The following NFATC3 variants were observed in gnomAD, a reference collection of about 807,000 sequenced individuals.
The protein encoded by NFATC3 is nuclear factor of activated T cells 3.
In NFATC3, 46 loss-of-function variants were observed where a neutral mutation model predicts 98.6. The ratio of observed to expected loss-of-function variants is 0.47; its 90% CI spans 0.37 to 0.60. The LOEUF is 0.60. Among genes scored for constraint, NFATC3 ranks in the 20% least tolerant of loss-of-function variants. The pLI is 0.00. For synonymous variants in NFATC3, 512 were observed against 472.2 expected (o/e 1.08, Z -1.09); for missense variants, 1,256 against 1,295.5 (o/e 0.97, Z 0.47).
At chr16:68,119,273 A>G (rs1367793353) in intron 1 of NFATC3, among the ~76,000 whole-genome samples, 5 of 152,202 alleles carry the variant, frequency 3.3e-5, no homozygotes, top group Non-Finnish European at 7.3e-5. Flanking sequence ...TTAATCCAAA[A>G]TCTGACTTCT....
Position 68,179,114 on chromosome 16 carries a change from T to A in NFATC3, c.1916-2361T>A, listed in dbSNP as rs185181718. Reference sequence around the variant, plus strand: ...TCATGCTGTCTCTTCTGTCTATAATTACCCTTTCCTCATATTATGAGTTCT... The same window carrying A: ...TCATGCTGTCTCTTCTGTCTATAATAACCCTTTCCTCATATTATGAGTTCT... On this transcript the variant is annotated intron_variant, in intron 6 of 9. Coordinates refer to ENST00000346183, the MANE Select transcript of NFATC3 (RefSeq NM_173165.3). Among the ~76,000 whole-genome samples the A allele has an allele frequency of 5.3e-4, 80 of 152,286 alleles. No individual in the cohort carries two copies. In the Middle Eastern group the frequency reaches 0.01, roughly 19 times the overall value.
intron 9 of NFATC3, among the ~76,000 whole-genome samples, chr16:68,202,588 G>C (rs2040971808): frequency 6.6e-6 from 1 of 152,168 alleles, no homozygotes; most frequent in South Asian, 2.1e-4. Context: ...GAGGCAGGTA[G>C]ATCGCCTGAG....
chr16:68,210,512 A>G (rs952727604), intron 9 of NFATC3, among the ~76,000 whole-genome samples: 4 of 151,998 alleles, frequency 2.6e-5, no homozygotes, highest in African/African-American at 7.2e-5. Flanking sequence ...TTCTGCATCT[A>G]TCGAGATGAT....
intron 1 of NFATC3, among the ~76,000 whole-genome samples, chr16:68,094,464 G>T (rs1220397376): frequency 6.6e-6 from 1 of 151,290 alleles, no homozygotes; most frequent in Non-Finnish European, 1.5e-5. Context: ...TTGAATTTAG[G>T]ATGCAAGGAG....
intron 1 of NFATC3, among the ~76,000 whole-genome samples, chr16:68,111,142 A>G (rs112068251): frequency 4.6e-5 from 7 of 151,830 alleles, no homozygotes; most frequent in Admixed American, 6.6e-5. Context: ...GGGTAAGTCT[A>G]CTTGATCACA....
chr16:68,183,299 G>A lies in NFATC3; in HGVS notation c.2031G>A (p.Gln677=), dbSNP rs1490967740. The A allele has an allele frequency of 6.2e-7, 1 of 1,612,738 alleles. No individual in the cohort carries two copies. The highest frequency in any genetic ancestry group is 1.1e-5 in the South Asian group (1 of 90,764). ...YHNPAVTAAV[Q]VHFYLCNGKR... is the part of the protein sequence containing the mutation. ...ACCCAGCAGTTACAGCTGCAGTGCA[G>A]GTGCACTTTTATCTTTGCAATGGCA... Residue 677 remains glutamine, a synonymous_variant, in exon 8 of 10, where the codon CAG becomes CAA. Coordinates refer to ENST00000346183, the MANE Select transcript of NFATC3 (RefSeq NM_173165.3).
chr16:68,184,377 A>G (rs919328992), intron 8 of NFATC3, among the ~76,000 whole-genome samples: 18 of 152,198 alleles, frequency 1.2e-4, no homozygotes. Context: ...AGATTTAGTA[A>G]TGGAGAGTTT....
At chr16:68,182,641 C>G (rs959338375) in intron 7 of NFATC3, among the ~76,000 whole-genome samples, 22 of 152,008 alleles carry the variant, frequency 1.4e-4, no homozygotes, top group African/African-American at 4.6e-4. Flanking sequence ...CTGCCTCAGA[C>G]TCCTGAGTAG....
intron 9 of NFATC3, among the ~76,000 whole-genome samples, chr16:68,204,129 A>C: frequency 6.6e-6 from 1 of 152,170 alleles, no homozygotes; most frequent in East Asian, 1.9e-4. Flanking sequence ...CAGAGGTTGC[A>C]GTGAGCTGAG....
At position 68,192,210 on chromosome 16, in the gene NFATC3, G is replaced by GAAAAA. The variant is rs71382033; in HGVS notation, c.3106+452_3106+456dup. On this transcript the variant is annotated intron_variant, in intron 9 of 9. Coordinates refer to ENST00000346183, the MANE Select transcript of NFATC3 (RefSeq NM_173165.3). The stretch of plus-strand genomic sequence containing the variant: ...GCGGCAGAGCAAGACTCCGTCTCGG[G>GAAAAA]AAAAAAAAAAAAAAAAAAAAATATA... 2.0e-3 allele frequency: 27 copies of GAAAAA among 13,836 alleles called. 1 individual carries two copies. Among genetic ancestry groups the GAAAAA allele is most frequent in the African/African-American group, 8.9e-3 (22 of 2,466 alleles). The allele number at this position is 13,836 out of a possible 1,614,324, so 0.9% of individuals were successfully genotyped here. A position where few individuals can be genotyped will look rare whatever the true frequency, so the allele number is the denominator to read the frequency against.
At chr16:68,162,376 G>A (rs1444902316) in intron 4 of NFATC3, among the ~76,000 whole-genome samples, 1 of 152,130 alleles carries the variant, frequency 6.6e-6, no homozygotes, top group Non-Finnish European at 1.5e-5. Context: ...CAGTACAGTG[G>A]TTGAATATAA....
chr16:68,199,686 A>C (rs892544867), intron 9 of NFATC3: 4 of 151,634 alleles, frequency 2.6e-5, no homozygotes, highest in Non-Finnish European at 5.9e-5. Context: ...TCCCGGGTTC[A>C]TGCCATTCTC....
rs1226129009 is a variant in NFATC3 at position 68,098,304 on chromosome 16, T to TA, written c.103+12520_103+12521insA. ...ATTATTATTATTATTATTATTATTT[T>TA]TTTTTTTTTTTTTTTAGATGGAGTC... is the stretch of plus-strand genomic sequence containing the variant. On this transcript the variant is annotated intron_variant, in intron 1 of 9. Coordinates refer to ENST00000346183, the MANE Select transcript of NFATC3 (RefSeq NM_173165.3). Among the ~76,000 whole-genome samples the TA allele has an allele frequency of 8.2e-4, 102 of 124,826 alleles. 1 individual carries two copies. The highest frequency in any genetic ancestry group is 3.3e-3 in the Admixed American group (43 of 13,008). 81.9% of individuals were successfully genotyped at this position (124,826 alleles called of 152,430 possible).
chr16:68,211,799 G>A (rs2041414301), intron 9 of NFATC3, among the ~76,000 whole-genome samples: 1 of 152,214 alleles, frequency 6.6e-6, no homozygotes, highest in Non-Finnish European at 1.5e-5. Flanking sequence ...TGGGATTACA[G>A]GCATGAGGCA....
chr16:68,165,867 A>G (rs1250964645), intron 4 of NFATC3, among the ~76,000 whole-genome samples: 1 of 152,246 alleles, frequency 6.6e-6, no homozygotes, highest in Non-Finnish European at 1.5e-5. Context: ...ATAATTAGTT[A>G]TCCATTTGCT....
chr16:68,201,355 C>A (rs1017086616), intron 9 of NFATC3, among the ~76,000 whole-genome samples: 15 of 152,110 alleles, frequency 9.9e-5, no homozygotes, highest in African/African-American at 2.9e-4. Flanking sequence ...CTTTAGCCCC[C>A]CAAGTAGCAG....
chr16:68,122,287 A>G lies in NFATC3; in HGVS notation c.404A>G (p.Asp135Gly). 1.2e-6 allele frequency: 2 copies of G among 1,614,152 alleles called. No individual in the cohort carries two copies. The highest frequency in any genetic ancestry group is 2.2e-5 in the South Asian group (2 of 91,080). The change falls in exon 2 of 10, where the codon GAC (aspartate) becomes GGC (glycine). Residue 135 changes from aspartate (D) to glycine (G), a missense_variant. Around this residue, in one of 3 missense-constraint regions of NFATC3, gnomAD observed 464 missense variants for 465.7 expected, o/e 1.00. Transcript: ENST00000346183. ...CATGAAGATGACCTACAGATAAATG[A>G]CCCAGAACGGGAATTTTTGGAAAGG... Reference protein sequence around the residue: ...DAHEDDLQINDPEREFLERPS... With the variant: ...DAHEDDLQINGPEREFLERPS...
chr16:68,097,348 G>A (rs2035071483), intron 1 of NFATC3, among the ~76,000 whole-genome samples: 1 of 152,216 alleles, frequency 6.6e-6, no homozygotes, highest in Non-Finnish European at 1.5e-5. Context: ...AGTATAAAGT[G>A]CAATGAGAGT....
Position 68,183,304 on chromosome 16 carries a change from A to C in NFATC3, c.2036A>C (p.His679Pro). 6.2e-7 allele frequency: 1 copy of C among 1,613,172 alleles called. No individual in the cohort carries two copies. The stretch of plus-strand genomic sequence containing the variant: ...GCAGTTACAGCTGCAGTGCAGGTGC[A>C]CTTTTATCTTTGCAATGGCAAGAGG... The part of the protein sequence containing the change: ...NPAVTAAVQV[H>P]FYLCNGKRKK... The change falls in exon 8 of 10, where the codon CAC becomes CCC. Residue 679 changes from histidine to proline, a missense_variant. By Grantham distance (77) the His-to-Pro change is moderately conservative. This residue lies in a region of NFATC3 where 636 missense variants were observed against 617.3 expected (regional missense o/e 1.03). Transcript: ENST00000346183.
Sources: gnomAD v4.1 joint callset for allele counts (sites outside exome capture counted in the v4.1 genomes callset) on GRCh38, gnomAD v4.1.1 for gene constraint, gnomAD v4.1.1 regional missense constraint, MANE v1.5 for transcripts, NCBI Gene and HGNC (gene_info 2026-07-23, HGNC 2026-07-21) for gene names.